RGL1: variants seen among roughly 807,000 people sequenced by gnomAD.
RGL1 encodes ral guanine nucleotide dissociation stimulator-like 1.
A neutral mutation model predicts 95.2 loss-of-function variants in RGL1; 24 were observed. The ratio of observed to expected loss-of-function variants is 0.25; its 90% CI spans 0.18 to 0.35. RGL1 has a LOEUF of 0.35. RGL1 is among the 10% of genes least tolerant of loss of function. The pLI is 1.00. For missense variants in RGL1, 715 were observed against 936.3 expected (o/e 0.76, Z 3.08); for synonymous variants, 329 against 344.9 (o/e 0.95, Z 0.51).
chr1:183,734,887 G>A (rs112542559), intron 1 of RGL1, among the ~76,000 whole-genome samples: 2,554 of 152,164 alleles, frequency 0.017, 77 homozygotes, highest in African/African-American at 0.059. Context: ...CCTTCCCCAC[G>A]TCTGTCTTTG....
chr1:183,762,707 T>C (rs2102310324), intron 2 of RGL1, among the ~76,000 whole-genome samples: 1 of 152,250 alleles, frequency 6.6e-6, no homozygotes, highest in East Asian at 1.9e-4. Context: ...CTCACACCAG[T>C]TAGAATGACC....
chr1:183,811,101 T>A (rs778010168), intron 2 of RGL1, among the ~76,000 whole-genome samples: 11 of 152,170 alleles, frequency 7.2e-5, no homozygotes, highest in Admixed American at 1.3e-4. Context: ...TACATGAAGA[T>A]GTTCACTTAC....
chr1:183,784,007 G>T (rs1660030352), intron 2 of RGL1, among the ~76,000 whole-genome samples: 1 of 152,164 alleles, frequency 6.6e-6, no homozygotes, highest in Admixed American at 6.5e-5. Flanking sequence ...TATTAAGGAA[G>T]AAGTTTCAAT....
At chr1:183,659,457 G>T (rs1157280472) in intron 1 of RGL1, among the ~76,000 whole-genome samples, 1 of 152,254 alleles carries the variant, frequency 6.6e-6, no homozygotes, top group Non-Finnish European at 1.5e-5. Context: ...AAGGGTATCA[G>T]TGATGGAAGA....
chr1:183,742,440 C>G, intron 2 of RGL1: 1 of 846,718 alleles, frequency 1.2e-6, no homozygotes, highest in Middle Eastern at 3.6e-4. Flanking sequence ...ACAAGTAAGT[C>G]AGGAGCATGT....
Position 183,926,047 on chromosome 1 carries a change from G to T in RGL1, c.2120-58G>T, listed in dbSNP as rs4650646. 2,389 of 1,483,210 alleles carry T rather than the reference G, an allele frequency of 1.6e-3. 16 individuals carry two copies. The highest frequency in any genetic ancestry group is 6.1e-3 in the South Asian group (484 of 79,680). The allele number at this position is 1,483,210 out of a possible 1,614,324, so 91.9% of individuals were successfully genotyped here. On this transcript the variant is annotated intron_variant, in intron 17 of 17. Transcript: ENST00000360851. ...CTGGGCAAGGTTTACAGCTGCCGTT[G>T]TCAGTACTGAGCTGACCTCCACAAG...
chr1:183,918,783 C>T (rs1437778940), intron 16 of RGL1, among the ~76,000 whole-genome samples: 1 of 152,220 alleles, frequency 6.6e-6, no homozygotes, highest in African/African-American at 2.4e-5. Context: ...GTGGCACTCA[C>T]CTTTCATGAA....
intron 1 of RGL1, among the ~76,000 whole-genome samples, chr1:183,688,053 T>C (rs1052355521): frequency 6.6e-6 from 1 of 152,174 alleles, no homozygotes; most frequent in Admixed American, 6.5e-5. Context: ...AAATCTAGGC[T>C]TGTTATTTCT....
chr1:183,707,655 G>GGT (rs1655003714), intron 1 of RGL1, among the ~76,000 whole-genome samples: 1 of 151,886 alleles, frequency 6.6e-6, no homozygotes, highest in South Asian at 2.2e-4. Flanking sequence ...AGGAGAGGGC[G>GGT]CTGGGGGAGG....
intron 1 of RGL1, among the ~76,000 whole-genome samples, chr1:183,640,336 A>G (rs1355000175): frequency 6.6e-6 from 1 of 152,216 alleles, no homozygotes; most frequent in Non-Finnish European, 1.5e-5. Flanking sequence ...TCCTTGAGAC[A>G]GGACTTCCAA....
intron 1 of RGL1, among the ~76,000 whole-genome samples, chr1:183,655,601 CA>C (rs1651099642): frequency 6.6e-6 from 1 of 152,024 alleles, no homozygotes; most frequent in South Asian, 2.1e-4. Context: ...GAGTTGAGAC[CA>C]AAAGGAGACG....
intron 1 of RGL1, among the ~76,000 whole-genome samples, chr1:183,735,633 T>G (rs12119590): frequency 0.45 from 68,077 of 151,940 alleles, 16,467 homozygotes; most frequent in East Asian, 0.76. Context: ...ATAATAGGAA[T>G]CTGTTGCTCT....
At chr1:183,892,212 C>A in intron 9 of RGL1, 51 bp downstream of exon 9, 1 of 1,341,444 alleles carries the variant, frequency 7.5e-7, no homozygotes, top group Non-Finnish European at 1.1e-6. Flanking sequence ...GCTCTGGAAT[C>A]CATTCAAGGA....
intron 1 of RGL1, among the ~76,000 whole-genome samples, chr1:183,698,436 C>G (rs1469846335): frequency 1.3e-5 from 2 of 152,196 alleles, no homozygotes; most frequent in Non-Finnish European, 2.9e-5. Context: ...TTTTCCTATA[C>G]TTTGATACAA....
chr1:183,702,869 C>A (rs541701162), intron 1 of RGL1, among the ~76,000 whole-genome samples: 6 of 152,198 alleles, frequency 3.9e-5, no homozygotes, highest in African/African-American at 1.4e-4. Flanking sequence ...TGCCTGGGTG[C>A]AGACGGGCTG....
chr1:183,695,187 G>C (rs1189366494), intron 1 of RGL1, among the ~76,000 whole-genome samples: 1 of 152,220 alleles, frequency 6.6e-6, no homozygotes, highest in Non-Finnish European at 1.5e-5. Flanking sequence ...GCATCGGCTT[G>C]ACAGCGAGGA....
chr1:183,869,934 C>T lies in RGL1; in HGVS notation c.425+3861C>T, dbSNP rs551969675. On this transcript the variant is annotated intron_variant, in intron 4 of 17. Transcript: ENST00000360851. ...AGGGCGATTGTTATCCTCCAGAGGACATTTGCCAATGCCCTACAGACATTT... is the reference window on the plus strand; with the variant it reads ...AGGGCGATTGTTATCCTCCAGAGGATATTTGCCAATGCCCTACAGACATTT... Among the ~76,000 whole-genome samples the T allele has an allele frequency of 2.0e-5, 3 of 152,306 alleles. No individual in the cohort carries two copies. The South Asian group carries it at 6.2e-4, about 32-fold the overall frequency.
chr1:183,790,692 A>G (rs999015082), intron 2 of RGL1, among the ~76,000 whole-genome samples: 2 of 152,202 alleles, frequency 1.3e-5, no homozygotes, highest in Non-Finnish European at 2.9e-5. Context: ...AATGTTAACT[A>G]TATTATCTAG....
At chr1:183,693,205 C>T (rs1654063207) in intron 1 of RGL1, among the ~76,000 whole-genome samples, 1 of 152,094 alleles carries the variant, frequency 6.6e-6, no homozygotes, top group Admixed American at 6.5e-5. Flanking sequence ...CTGCCCACCT[C>T]GGCCTCCCAA....
Sources: gnomAD v4.1 joint callset for allele counts (sites outside exome capture counted in the v4.1 genomes callset) on GRCh38, gnomAD v4.1.1 for gene constraint, MANE v1.5 for transcripts, NCBI Gene and HGNC (gene_info 2026-07-23, HGNC 2026-07-21) for gene names.